ZDHHC24: variants seen among roughly 807,000 people sequenced by gnomAD.
ZDHHC24 encodes the protein probable palmitoyltransferase ZDHHC24.
In ZDHHC24, 17 loss-of-function variants were observed where a neutral mutation model predicts 23.2. The observed-to-expected ratio is 0.73, with a 90% CI of 0.50 to 1.10. The LOEUF (loss-of-function observed/expected upper bound fraction) is 1.10, where lower values mean the gene tolerates loss of function less well. Among genes scored for constraint, ZDHHC24 ranks in the 50% least tolerant of loss-of-function variants. ZDHHC24 has a pLI of 0.00. For missense variants in ZDHHC24, 366 were observed against 393.0 expected, an observed-to-expected ratio of 0.93 and a Z score of 0.58; for synonymous variants, 186 against 194.5, an observed-to-expected ratio of 0.96 and a Z score of 0.36.
chr11:66,543,612 C>A lies in ZDHHC24; in HGVS notation c.559+92G>T. The stretch of plus-strand genomic sequence containing the variant: ...TGACACTGGGGCTGGGTCCCCCAGG[C>A]CAGAAAGCCCGTCTCCCACCAGAAT... On this transcript the variant is annotated intron_variant, in intron 2 of 2. Transcript: ENST00000310442. The A allele has an allele frequency of 2.1e-6, 3 of 1,441,154 alleles. No individual in the cohort carries two copies. In the South Asian group the frequency reaches 4.4e-5, roughly 21 times the overall value. The allele number at this position is 1,441,154 out of a possible 1,614,324, so 89.3% of individuals were successfully genotyped here.
chr11:66,542,149 G>A (rs1857169634), intron 2 of ZDHHC24, among the ~76,000 whole-genome samples: 1 of 152,102 alleles, frequency 6.6e-6, no homozygotes, highest in South Asian at 2.1e-4. Context: ...CTGGAGCTTG[G>A]AGTGTGGGAG....
rs1462256617 is a variant in ZDHHC24, at chr11:66,537,179, T to G, written c.*2350A>C. 3 of 151,844 alleles carry G rather than the reference T, an allele frequency of 2.0e-5. No homozygotes were observed. Among genetic ancestry groups the G allele is most frequent in the African/African-American group, 7.2e-5 (3 of 41,394 alleles). 9.4% of individuals were successfully genotyped at this position (151,844 alleles called of 1,614,324 possible). A position where few individuals can be genotyped will look rare whatever the true frequency, so the allele number is the denominator to read the frequency against. On this transcript the variant is annotated 3_prime_UTR_variant, in exon 3 of 3. Coordinates refer to ENST00000310442, the MANE Select transcript of ZDHHC24 (RefSeq NM_207340.3). Reference sequence around the variant, plus strand: ...TCTATGGACTTTCACTTAACCCCATTTTTTGGTCTAGCCTCTCACCCACCC... The same window carrying G: ...TCTATGGACTTTCACTTAACCCCATGTTTTGGTCTAGCCTCTCACCCACCC...
downstream of ZDHHC24, chr11:66,532,009 C>G: frequency 1.2e-6 from 2 of 1,607,956 alleles, no homozygotes; most frequent in South Asian, 1.1e-5. Flanking sequence ...GTCAACATGC[C>G]TGGGAGCGAG....
rs1031820547 is a variant in ZDHHC24, at chr11:66,545,966, G to T, written c.38C>A (p.Ala13Glu). The change falls in exon 1 of 3, where the codon GCG becomes GAG. Residue 13 changes from alanine to glutamate, a missense_variant. Ala to Glu is a moderately radical substitution (Grantham distance 107). Coordinates refer to ENST00000310442, the MANE Select transcript of ZDHHC24 (RefSeq NM_207340.3). The surrounding 1 kb of genome is among the most constrained non-coding windows in gnomAD (Gnocchi z 4.5). ...QPWAAGSTDG[A>E]PAQLPLVLTA... is the part of the protein sequence containing the mutation. ...GAGCACGAGAGGCAGCTGCGCGGGC[G>T]CCCCGTCCGTGCTCCCAGCCGCCCA... 3.1e-5 allele frequency: 44 copies of T among 1,425,966 alleles called. No homozygotes were observed. The African/African-American group carries it at 4.8e-4, about 16-fold the overall frequency. 88.3% of individuals were successfully genotyped at this position (1,425,966 alleles called of 1,614,324 possible).
chr11:66,541,711 C>G (rs1314721081), intron 2 of ZDHHC24, among the ~76,000 whole-genome samples: 1 of 152,126 alleles, frequency 6.6e-6, no homozygotes, highest in African/African-American at 2.4e-5. Context: ...TCCCAGCCAT[C>G]GGTGATGCCA....
downstream of ZDHHC24, chr11:66,531,964 G>A (rs1856803176): frequency 4.4e-6 from 7 of 1,599,048 alleles, no homozygotes; most frequent in Middle Eastern, 1.8e-4. Context: ...CTGGTGCTTC[G>A]AGAAGGCCAA....
downstream of ZDHHC24, chr11:66,533,312 AAC>A (rs1302646638): frequency 6.6e-6 from 1 of 152,222 alleles, no homozygotes; most frequent in Non-Finnish European, 1.5e-5. Context: ...GTAACAAGAA[AAC>A]AGTCTCTCCC....
At chr11:66,530,841 C>A (rs1053933472), downstream of ZDHHC24, 9 of 1,612,878 alleles carry the variant, frequency 5.6e-6, no homozygotes, top group African/African-American at 1.3e-5. Flanking sequence ...CACTGTACTC[C>A]GTGCCCAAGG....
At chr11:66,543,448 A>T (rs1857208975) in intron 2 of ZDHHC24, among the ~76,000 whole-genome samples, 1 of 151,818 alleles carries the variant, frequency 6.6e-6, no homozygotes, top group South Asian at 2.1e-4. Context: ...CCATGCAGAG[A>T]CTCCCACGAG....
downstream of ZDHHC24, chr11:66,530,989 C>G: frequency 6.2e-7 from 1 of 1,614,206 alleles, no homozygotes; most frequent in South Asian, 1.1e-5. Flanking sequence ...GCTTCCTGTA[C>G]AACGAGGCGC....
At chr11:66,532,121 AGCAGTGT>A, downstream of ZDHHC24, 1 of 1,411,332 alleles carries the variant, frequency 7.1e-7, no homozygotes, top group Non-Finnish European at 9.7e-7. Context: ...CTCCTCATGC[AGCAGTGT>A]GCTGGGGCGA....
At chr11:66,527,093 TTGAC>T in intron 3 of ZDHHC24, 1 of 1,410,398 alleles carries the variant, frequency 7.1e-7, no homozygotes, top group Non-Finnish European at 9.7e-7. Flanking sequence ...AAGTAGAATT[TTGAC>T]TGGGCATGGT....
chr11:66,524,287 A>C (rs114607144), intron 4 of ZDHHC24: 2 of 333,370 alleles, frequency 6.0e-6, no homozygotes, highest in Non-Finnish European at 1.2e-5. Context: ...CTTAAAAAAA[A>C]AAAAAATGTG....
chr11:66,527,097 C>T, intron 3 of ZDHHC24: 1 of 1,389,866 alleles, frequency 7.2e-7, no homozygotes, highest in Non-Finnish European at 9.8e-7. Flanking sequence ...AGAATTTTGA[C>T]TGGGCATGGT....
intron 1 of ZDHHC24, among the ~76,000 whole-genome samples, 171 bp from the exon 2 acceptor site, chr11:66,544,152 T>C (rs1182155327): frequency 6.6e-6 from 1 of 152,226 alleles, no homozygotes; most frequent in East Asian, 1.9e-4. Flanking sequence ...CAGGCCCTTC[T>C]AGTTCTAGCA....
chr11:66,533,816 C>T (rs552132025), downstream of ZDHHC24, among the ~76,000 whole-genome samples: 1 of 152,360 alleles, frequency 6.6e-6, no homozygotes, highest in South Asian at 2.1e-4. Context: ...TGATGGCTTC[C>T]TATTTCTCAG....
chr11:66,529,172 A>C (rs1360795597), intron 3 of ZDHHC24: 11 of 1,268,104 alleles, frequency 8.7e-6, no homozygotes. Context: ...CCCAGTCTGG[A>C]AGAGGAGGGA....
At chr11:66,527,304 ATCGT>A (rs1036838086) in intron 3 of ZDHHC24, among the ~76,000 whole-genome samples, 2 of 151,950 alleles carry the variant, frequency 1.3e-5, no homozygotes, top group Non-Finnish European at 2.9e-5. Flanking sequence ...TCATTCATTC[ATCGT>A]TCGTTCATTC....
chr11:66,523,534 G>A (rs756220791), intron 4 of ZDHHC24: 2 of 1,614,148 alleles, frequency 1.2e-6, no homozygotes, highest in South Asian at 1.1e-5. Context: ...AGGTCCTAGT[G>A]GTGGGCAGCA....
Sources: allele counts gnomAD v4.1 joint callset (sites outside exome capture counted in the v4.1 genomes callset), GRCh38; gene constraint gnomAD v4.1.1; non-coding constraint Gnocchi (gnomAD v3.1); transcripts MANE v1.5; gene names NCBI Gene and HGNC (gene_info 2026-07-23, HGNC 2026-07-21).